COL15A1: variants seen among roughly 807,000 people sequenced by gnomAD.
The protein encoded by COL15A1 is collagen alpha-1(XV) chain.
COL15A1 carries 111 observed loss-of-function variants against 165.9 expected under a neutral mutation model. The observed-to-expected ratio is 0.67, with a 90% CI of 0.57 to 0.78. The LOEUF (loss-of-function observed/expected upper bound fraction) is 0.78, where lower values mean the gene tolerates loss of function less well. Ranked by LOEUF, COL15A1 falls within the 30% of genes least tolerant of loss-of-function variation. The probability of loss-of-function intolerance (pLI) is 0.00; values close to 1 mark genes in which losing one functional copy is unlikely to be tolerated. For synonymous variants in COL15A1, 659 were observed against 674.8 expected (o/e 0.98, Z 0.36); for missense variants, 1,745 against 1,789.7 (o/e 0.98, Z 0.45).
At chr9:98,982,767 G>C (rs1838252227) in intron 2 of COL15A1, among the ~76,000 whole-genome samples, 1 of 151,912 alleles carries the variant, frequency 6.6e-6, no homozygotes, top group Non-Finnish European at 1.5e-5. Flanking sequence ...TCAACCTCCT[G>C]GGTAGCGGGG....
At chr9:99,067,511 C>T (rs777187152) in intron 40 of COL15A1, among the ~76,000 whole-genome samples, 1 of 152,180 alleles carries the variant, frequency 6.6e-6, no homozygotes, top group African/African-American at 2.4e-5. Context: ...TATTTCTCTG[C>T]CCCATTTGTG....
At chr9:98,998,713 G>C (rs1171816475) in intron 6 of COL15A1, among the ~76,000 whole-genome samples, 1 of 152,202 alleles carries the variant, frequency 6.6e-6, no homozygotes, top group East Asian at 1.9e-4. Context: ...GAAGGGGCTG[G>C]GGCGAGGGCT....
At chr9:98,951,385 CCCTCACTGGGTT>C (rs1264648966) in intron 2 of COL15A1, among the ~76,000 whole-genome samples, 1 of 152,118 alleles carries the variant, frequency 6.6e-6, no homozygotes, top group Non-Finnish European at 1.5e-5. Context: ...AGTATAATTG[CCCTCACTGGGTT>C]CTCACTGTAC....
chr9:99,070,059 A>G lies in COL15A1; in HGVS notation c.*173A>G. 1.7e-6 allele frequency: 1 copy of G among 585,610 alleles called. No individual in the cohort carries two copies. Among genetic ancestry groups the G allele is most frequent in the South Asian group, 2.2e-5 (1 of 44,670 alleles). The allele number at this position is 585,610 out of a possible 1,614,324, so 36.3% of individuals were successfully genotyped here. On this transcript the variant is annotated 3_prime_UTR_variant, in exon 42 of 42. Coordinates refer to ENST00000375001, the MANE Select transcript of COL15A1 (RefSeq NM_001855.5). ...TCAATACACTCAAAACTGAAGACAT[A>G]GAGGACTCAGATCAAAGACAAAATC...
At chr9:99,005,150 G>A in intron 9 of COL15A1, 100 bp downstream of exon 9, 3 of 1,227,552 alleles carry the variant, frequency 2.4e-6, no homozygotes, top group Non-Finnish European at 3.4e-6. Flanking sequence ...ATGGGAGCCT[G>A]AGGCACGGGG....
At position 99,024,904 on chromosome 9, in the gene COL15A1, T is replaced by C. The variant is rs753706148; in HGVS notation, c.1885T>C (p.Leu629=). 34 of 1,613,902 alleles carry C rather than the reference T, an allele frequency of 2.1e-5. No individual in the cohort carries two copies. The highest frequency in any genetic ancestry group is 5.3e-5 in the African/African-American group (4 of 74,934). Residue 629 remains leucine (L), a synonymous_variant, in exon 15 of 42, where the codon TTA becomes CTA. Coordinates refer to ENST00000375001, the MANE Select transcript of COL15A1 (RefSeq NM_001855.5). ...TCCAGGACCCCCAGGGCCACCTGGC[T>C]TACCTGGGATTCCAGGAAAACCAGG... The part of the protein sequence containing the change: ...GPPGPPGPPG[L]PGIPGKPGTD...
At chr9:98,961,235 G>T (rs1196017322) in intron 2 of COL15A1, among the ~76,000 whole-genome samples, 1 of 152,214 alleles carries the variant, frequency 6.6e-6, no homozygotes, top group Non-Finnish European at 1.5e-5. Context: ...AGCAAGATAG[G>T]CTTGCTGCTT....
In COL15A1 at chr9:98,996,985, C is replaced by T. The variant is rs767948340; in HGVS notation, c.856C>T (p.Pro286Ser). Reference protein sequence around the residue: ...PINTPPTPSSPFEDMELSGEP... With the variant: ...PINTPPTPSSSFEDMELSGEP... ...AAACACACCTCCAACTCCATCCTCC[C>T]CCTTTGAAGACATGGAACTTTCTGG... Residue 286 changes from proline (P) to serine (S), a missense_variant, in exon 6 of 42, where the codon CCC (proline) becomes TCC (serine). Transcript: ENST00000375001. 14 of 1,614,096 alleles carry T rather than the reference C, an allele frequency of 8.7e-6. No individual in the cohort carries two copies. The highest frequency in any genetic ancestry group is 1.2e-5 in the Non-Finnish European group (14 of 1,180,052).
At position 99,016,055 on chromosome 9, in the gene COL15A1, G is replaced by T; in HGVS notation, c.1583G>T (p.Ser528Ile). 1.2e-6 allele frequency: 2 copies of T among 1,614,100 alleles called. No individual in the cohort carries two copies. Among genetic ancestry groups the T allele is most frequent in the Non-Finnish European group, 1.7e-6 (2 of 1,179,986 alleles). Residue 528 changes from serine to isoleucine, a missense_variant, in exon 11 of 42, where the codon AGC becomes ATC. Physicochemically the swap from Ser to Ile is moderately radical, Grantham distance 142 (BLOSUM62 -2). Coordinates refer to ENST00000375001, the MANE Select transcript of COL15A1 (RefSeq NM_001855.5). ...ACAGCTGGGGGTGAAGAGTCCGGCA[G>T]CCCTCCCCCTGATGGGCCACCGCTG... ...LITAGGEESG[S>I]PPPDGPPLPL...
chr9:99,053,887 A>G (rs948703233), intron 31 of COL15A1, among the ~76,000 whole-genome samples: 1 of 152,190 alleles, frequency 6.6e-6, no homozygotes, highest in African/African-American at 2.4e-5. Flanking sequence ...GAGGAATTCA[A>G]AGACCTAGCG....
At position 98,987,496 on chromosome 9, in the gene COL15A1, C is replaced by A. The variant is rs569662090; in HGVS notation, c.723+128C>A. 3 of 801,546 alleles carry A rather than the reference C, an allele frequency of 3.7e-6. No homozygotes were observed. In the South Asian group the frequency reaches 5.5e-5, roughly 15 times the overall value. The allele number at this position is 801,546 out of a possible 1,614,324, so 49.7% of individuals were successfully genotyped here. On this transcript the variant is annotated intron_variant, in intron 4 of 41. Transcript: ENST00000375001. Reference sequence around the variant, plus strand: ...CATTTTGGCAACTGCTGCCTCAAGTCCTATTTTGGGCTTTTGGCGTGATTT... The same window carrying A: ...CATTTTGGCAACTGCTGCCTCAAGTACTATTTTGGGCTTTTGGCGTGATTT...
chr9:98,991,957 G>A (rs2118909755), intron 5 of COL15A1, among the ~76,000 whole-genome samples: 1 of 152,330 alleles, frequency 6.6e-6, no homozygotes, highest in East Asian at 1.9e-4. Context: ...TACAAACCTT[G>A]AGCTAGACAC....
chr9:99,008,525 A>G (rs1016612650), intron 9 of COL15A1, among the ~76,000 whole-genome samples: 1 of 152,264 alleles, frequency 6.6e-6, no homozygotes, highest in African/African-American at 2.4e-5. Context: ...ACTATATTGT[A>G]AGTTAAGAAT....
At chr9:99,042,751 C>A (rs1253241146) in intron 24 of COL15A1, among the ~76,000 whole-genome samples, 1 of 152,218 alleles carries the variant, frequency 6.6e-6, no homozygotes, top group African/African-American at 2.4e-5. Flanking sequence ...ACTTAGCACA[C>A]AGAACACTTC....
At chr9:99,067,297 T>C (rs1015570245) in intron 40 of COL15A1, among the ~76,000 whole-genome samples, 5 of 152,224 alleles carry the variant, frequency 3.3e-5, no homozygotes, top group Admixed American at 6.5e-5. Flanking sequence ...ACTTCTTTCA[T>C]TGATACAGGG....
chr9:98,954,569 C>T (rs932792916), intron 2 of COL15A1, among the ~76,000 whole-genome samples: 2 of 152,166 alleles, frequency 1.3e-5, no homozygotes. Flanking sequence ...AACTTTTAGG[C>T]TGTTTCTCAT....
rs762576059 is a variant in COL15A1, at chr9:99,055,362, C to T, written c.3182C>T (p.Pro1061Leu). 6 of 1,609,622 alleles carry T rather than the reference C, an allele frequency of 3.7e-6. No homozygotes were observed. The highest frequency in any genetic ancestry group is 5.1e-6 in the Non-Finnish European group (6 of 1,176,028). ...GGGCCTCCAGGCCTGCCCGGAAATC[C>T]AGGCCCGGCTGTGAGTAGAGACCCC... Reference protein sequence around the residue: ...MSGPPGLPGNPGPAGQKGETV... With the variant: ...MSGPPGLPGNLGPAGQKGETV... The change falls in exon 34 of 42, where the codon CCA becomes CTA. Residue 1061 changes from proline (P) to leucine (L), a missense_variant. Transcript: ENST00000375001.
intron 4 of COL15A1, among the ~76,000 whole-genome samples, chr9:98,988,563 A>G (rs563335603): frequency 1.2e-4 from 18 of 152,304 alleles, no homozygotes; most frequent in East Asian, 5.8e-4. Flanking sequence ...ATGAAAGTAG[A>G]TATGTTAGAG....
At chr9:99,022,723 A>G (rs1373668303) in intron 13 of COL15A1, among the ~76,000 whole-genome samples, 2 of 152,242 alleles carry the variant, frequency 1.3e-5, no homozygotes, top group African/African-American at 2.4e-5. Context: ...GGGGGTGCTC[A>G]GTACACACAC....
Sources: gnomAD v4.1 joint callset for allele counts (sites outside exome capture counted in the v4.1 genomes callset) on GRCh38, gnomAD v4.1.1 for gene constraint, MANE v1.5 for transcripts, NCBI Gene and HGNC (gene_info 2026-07-23, HGNC 2026-07-21) for gene names.